The following RAB28 variants were observed in gnomAD, a reference collection of about 807,000 sequenced individuals.
The protein encoded by RAB28 is RAB28, member RAS oncogene family.
Under a neutral mutation model 31.7 loss-of-function variants are expected in RAB28, and 24 were observed. The ratio of observed to expected loss-of-function variants is 0.76; its 90% CI spans 0.55 to 1.06. The LOEUF is 1.06. Among genes scored for constraint, RAB28 ranks in the 50% least tolerant of loss-of-function variants. The pLI is 0.00. For synonymous variants in RAB28, 100 were observed against 90.4 expected (o/e 1.11, Z -0.60); for missense variants, 254 against 258.5 (o/e 0.98, Z 0.12).
intron 5 of RAB28, among the ~76,000 whole-genome samples, chr4:13,381,113 A>AT (rs1729109719): frequency 6.6e-6 from 1 of 152,012 alleles, no homozygotes; most frequent in African/African-American, 2.4e-5. Context: ...AATGGAGATA[A>AT]TCAGAGTAGT....
At chr4:13,409,541 G>A (rs984313326) in intron 4 of RAB28, among the ~76,000 whole-genome samples, 1 of 152,168 alleles carries the variant, frequency 6.6e-6, no homozygotes. Context: ...ACTCAGAGAA[G>A]CTGATGGGAG....
At chr4:13,417,375 T>C (rs1712844040) in intron 4 of RAB28, among the ~76,000 whole-genome samples, 1 of 152,232 alleles carries the variant, frequency 6.6e-6, no homozygotes, top group African/African-American at 2.4e-5. Context: ...CTGACAGCTC[T>C]GAAGAGGGCA....
chr4:13,466,703 A>T (rs1161483893), intron 3 of RAB28, among the ~76,000 whole-genome samples: 1 of 151,938 alleles, frequency 6.6e-6, no homozygotes, highest in African/African-American at 2.4e-5. Context: ...AAGATTTGAA[A>T]TCAGTTTGTC....
chr4:13,467,434 A>C (rs1370715623), intron 3 of RAB28, among the ~76,000 whole-genome samples: 1 of 151,946 alleles, frequency 6.6e-6, no homozygotes, highest in Non-Finnish European at 1.5e-5. Flanking sequence ...ATTGATATAA[A>C]ATACAACTGT....
intron 4 of RAB28, among the ~76,000 whole-genome samples, chr4:13,396,793 C>A (rs2108896331): frequency 6.6e-6 from 1 of 152,164 alleles, no homozygotes; most frequent in South Asian, 2.1e-4. Context: ...TGTGTAAGCA[C>A]TTTGTATATT....
chr4:13,474,669 A>C (rs1049214843), intron 2 of RAB28, among the ~76,000 whole-genome samples: 1 of 151,582 alleles, frequency 6.6e-6, no homozygotes, highest in East Asian at 1.9e-4. Context: ...AAATAAAGTA[A>C]GCTTTAATTT....
chr4:13,386,586 C>G (rs1182170523), intron 4 of RAB28, among the ~76,000 whole-genome samples: 2 of 150,894 alleles, frequency 1.3e-5, no homozygotes, highest in Non-Finnish European at 1.5e-5. Flanking sequence ...AATGGAAAAA[C>G]CCAAAAAATA....
intron 4 of RAB28, among the ~76,000 whole-genome samples, chr4:13,451,624 T>C (rs1374010688): frequency 3.3e-5 from 5 of 151,904 alleles, no homozygotes; most frequent in Non-Finnish European, 5.9e-5. Flanking sequence ...TTGCCTATGT[T>C]TGTGAGGTCT....
chr4:13,374,278 A>G (rs1367218221), intron 6 of RAB28, among the ~76,000 whole-genome samples: 1 of 152,184 alleles, frequency 6.6e-6, no homozygotes, highest in Non-Finnish European at 1.5e-5. Context: ...GTAGATGTGC[A>G]GGGAGGGTAG....
intron 3 of RAB28, among the ~76,000 whole-genome samples, chr4:13,467,796 T>C (rs1392250478): frequency 2.6e-5 from 4 of 151,904 alleles, no homozygotes; most frequent in Non-Finnish European, 5.9e-5. Flanking sequence ...AATAAACACT[T>C]TGTATGTGAA....
At chr4:13,419,401 T>G (rs921912015) in intron 4 of RAB28, among the ~76,000 whole-genome samples, 1 of 152,232 alleles carries the variant, frequency 6.6e-6, no homozygotes, top group African/African-American at 2.4e-5. Flanking sequence ...CAGGCAGACC[T>G]AATAGATATC....
intron 2 of RAB28, among the ~76,000 whole-genome samples, chr4:13,477,391 C>T (rs749271766): frequency 3.3e-5 from 5 of 151,406 alleles, no homozygotes; most frequent in Admixed American, 6.6e-5. Flanking sequence ...TTAGATTCAC[C>T]GACTATGCTA....
chr4:13,396,677 A>C (rs1372143377), intron 4 of RAB28, among the ~76,000 whole-genome samples: 2 of 152,034 alleles, frequency 1.3e-5, no homozygotes, highest in Non-Finnish European at 2.9e-5. Flanking sequence ...TAAAGACCTC[A>C]ATGCAGTTTA....
chr4:13,463,016 T>A (rs1715677281), intron 3 of RAB28, among the ~76,000 whole-genome samples: 1 of 152,196 alleles, frequency 6.6e-6, no homozygotes, highest in Non-Finnish European at 1.5e-5. Flanking sequence ...ATTCGTTACC[T>A]CACTTTTAAA....
chr4:13,482,390 T>C (rs1399120540), intron 1 of RAB28, among the ~76,000 whole-genome samples: 1 of 148,494 alleles, frequency 6.7e-6, no homozygotes, highest in Non-Finnish European at 1.5e-5. Flanking sequence ...TATGATAGCA[T>C]ATAGGATAAC....
At chr4:13,459,045 T>C (rs1464109743) in intron 4 of RAB28, among the ~76,000 whole-genome samples, 4 of 152,210 alleles carry the variant, frequency 2.6e-5, no homozygotes, top group African/African-American at 4.8e-5. Context: ...ACTGCCAGTA[T>C]GGCTAGAATA....
intron 4 of RAB28, among the ~76,000 whole-genome samples, chr4:13,451,985 C>G (rs918318682): frequency 1.3e-5 from 2 of 151,880 alleles, no homozygotes; most frequent in African/African-American, 2.4e-5. Flanking sequence ...ATTTTGCTTA[C>G]TACTGCTTTG....
chr4:13,445,792 A>G (rs1259199150), intron 4 of RAB28, among the ~76,000 whole-genome samples: 1 of 151,790 alleles, frequency 6.6e-6, no homozygotes, highest in Non-Finnish European at 1.5e-5. Flanking sequence ...GTGTCTGTGA[A>G]CCCCTGTTGG....
intron 4 of RAB28, among the ~76,000 whole-genome samples, chr4:13,452,966 A>G (rs1238035436): frequency 6.6e-6 from 1 of 150,772 alleles, no homozygotes; most frequent in Non-Finnish European, 1.5e-5. Flanking sequence ...TCAGATATGT[A>G]TATATTTACA....
Sources: gnomAD v4.1 joint callset for allele counts (sites outside exome capture counted in the v4.1 genomes callset) on GRCh38, gnomAD v4.1.1 for gene constraint, MANE v1.5 for transcripts, NCBI Gene and HGNC (gene_info 2026-07-23, HGNC 2026-07-21) for gene names.